ADAMTS2: variants seen among roughly 807,000 people sequenced by gnomAD.
ADAMTS2 encodes the protein ADAM metallopeptidase with thrombospondin type 1 motif 2, also known as A disintegrin and metalloproteinase with thrombospondin motifs 2.
In ADAMTS2, 50 loss-of-function variants were observed where a neutral mutation model predicts 123.0. The observed-to-expected ratio is 0.41, with a 90% CI of 0.32 to 0.51. The LOEUF is 0.51. Ranked by LOEUF, ADAMTS2 falls within the 20% of genes least tolerant of loss-of-function variation. The probability of loss-of-function intolerance (pLI) is 0.35; values close to 1 mark genes in which losing one functional copy is unlikely to be tolerated. For synonymous variants in ADAMTS2, 678 were observed against 695.4 expected (o/e 0.98, Z 0.39); for missense variants, 1,494 against 1,705.2 (o/e 0.88, Z 2.18).
Position 179,232,740 on chromosome 5 carries a change from A to T in ADAMTS2, c.689-25025T>A, listed in dbSNP as rs557386713. 3.1e-4 allele frequency among the ~76,000 whole-genome samples: 47 copies of T among 151,946 alleles called. No homozygotes were observed. In the East Asian group the frequency reaches 7.4e-3, roughly 24 times the overall value. ...GTAAAGTGCCTTGTAGACTGTGATG[A>T]TCATATTTTTGTCTTTGATTCCACT... On this transcript the variant is annotated intron_variant, in intron 3 of 21. Transcript: ENST00000251582.
chr5:179,342,853 G>T (rs1440292596), intron 2 of ADAMTS2, among the ~76,000 whole-genome samples: 1 of 152,198 alleles, frequency 6.6e-6, no homozygotes, highest in East Asian at 1.9e-4. Flanking sequence ...TTCCTCTGAG[G>T]CCCCCTTGTG....
intron 2 of ADAMTS2, among the ~76,000 whole-genome samples, chr5:179,302,350 C>A (rs1475399612): frequency 7.9e-6 from 1 of 127,014 alleles, no homozygotes; most frequent in Non-Finnish European, 1.6e-5. Context: ...GTAGTCCCAG[C>A]TGCTCTGGGC....
chr5:179,125,230 C>A (rs1020829819), intron 18 of ADAMTS2, 50 bp from the exon 19 acceptor site: 3 of 1,582,214 alleles, frequency 1.9e-6, no homozygotes, highest in Non-Finnish European at 2.6e-6. Context: ...ACCTGGAGAA[C>A]CTGCCTGGCT....
chr5:179,283,145 G>A lies in ADAMTS2; in HGVS notation c.535-10081C>T, dbSNP rs564584687. On this transcript the variant is annotated intron_variant, in intron 2 of 21. Transcript: ENST00000251582. Reference sequence around the variant, plus strand: ...CTGGCAAGTGGGGAAATCACAGGTCGAAATAGCGGAATTGCCCTCTGCATC... The same window carrying A: ...CTGGCAAGTGGGGAAATCACAGGTCAAAATAGCGGAATTGCCCTCTGCATC... Among the ~76,000 whole-genome samples the A allele has an allele frequency of 3.3e-5, 5 of 152,116 alleles. No individual in the cohort carries two copies. In the South Asian group the frequency reaches 6.2e-4, roughly 19 times the overall value.
At position 179,158,783 on chromosome 5, in the gene ADAMTS2, C is replaced by T. The variant is rs989843600; in HGVS notation, c.1072G>A (p.Glu358Lys). 6.2e-7 allele frequency: 1 copy of T among 1,614,114 alleles called. No individual in the cohort carries two copies. Among genetic ancestry groups the T allele is most frequent in the Non-Finnish European group, 8.5e-7 (1 of 1,180,048 alleles). The part of the protein sequence containing the change: ...LQQKPDTGHD[E>K]YHDHAIFLTR... ...AGGAAGATGGCGTGATCGTGGTATTCATCGTGGCCCGTGTCTGGCTTCTGC... is the reference window on the plus strand; with the variant it reads ...AGGAAGATGGCGTGATCGTGGTATTTATCGTGGCCCGTGTCTGGCTTCTGC... Residue 358 changes from glutamate (E) to lysine (K), a missense_variant, in exon 6 of 22, where the codon GAA (glutamate) becomes AAA (lysine). Physicochemically the swap from Glu to Lys is moderately conservative, Grantham distance 56 (BLOSUM62 1). Coordinates refer to ENST00000251582, the MANE Select transcript of ADAMTS2 (RefSeq NM_014244.5). The surrounding 1 kb of genome is among the most constrained non-coding windows in gnomAD (Gnocchi z 5.0).
chr5:179,317,510 C>T lies in ADAMTS2; in HGVS notation c.534+26257G>A, dbSNP rs769010352. Reference sequence around the variant, plus strand: ...TGCACTCATGAGACTTCTATAAGCACGGACCCAGAGGCCATCCCAGCGACA... The same window carrying T: ...TGCACTCATGAGACTTCTATAAGCATGGACCCAGAGGCCATCCCAGCGACA... On this transcript the variant is annotated intron_variant, in intron 2 of 21. Coordinates refer to ENST00000251582, the MANE Select transcript of ADAMTS2 (RefSeq NM_014244.5). This position sits in a 1 kb window ranked among gnomAD's most constrained non-coding sequence, Gnocchi z 4.9. Among the ~76,000 whole-genome samples the T allele has an allele frequency of 6.6e-6, 1 of 152,118 alleles. No individual in the cohort carries two copies. Among genetic ancestry groups the T allele is most frequent in the Non-Finnish European group, 1.5e-5 (1 of 68,028 alleles).
At chr5:179,133,693 C>CA (rs1313035793) in intron 13 of ADAMTS2, among the ~76,000 whole-genome samples, 1 of 151,826 alleles carries the variant, frequency 6.6e-6, no homozygotes, top group Non-Finnish European at 1.5e-5. Context: ...TATTACCTGT[C>CA]AAAATCAACA....
rs1764586557 is a variant in ADAMTS2, at chr5:179,202,290, C to T, written c.891+5223G>A. Among the ~76,000 whole-genome samples the T allele has an allele frequency of 6.6e-6, 1 of 152,050 alleles. No individual in the cohort carries two copies. The highest frequency in any genetic ancestry group is 2.4e-5 in the African/African-American group (1 of 41,392). On this transcript the variant is annotated intron_variant, in intron 4 of 21. Coordinates refer to ENST00000251582, the MANE Select transcript of ADAMTS2 (RefSeq NM_014244.5). The surrounding 1 kb of genome is among the most constrained non-coding windows in gnomAD (Gnocchi z 4.0). ...CTCAGGGCCTTGGCGCCGCCTGCCC[C>T]CTCCCCCAAACCTGGAACAGGCGAT...
chr5:179,205,263 C>T (rs979307335), intron 4 of ADAMTS2, among the ~76,000 whole-genome samples: 1 of 152,184 alleles, frequency 6.6e-6, no homozygotes, highest in East Asian at 1.9e-4. Context: ...TGGTCAGCGC[C>T]CTTGGTGGGC....
In ADAMTS2 at chr5:179,181,164, A is replaced by AAC. The variant is rs1352301535; in HGVS notation, c.892-11_892-10dup. The AAC allele has an allele frequency of 6.2e-7, 1 of 1,609,658 alleles. No homozygotes were observed. On this transcript the variant is annotated splice_polypyrimidine_tract_variant and intron_variant, in intron 4 of 21. Coordinates refer to ENST00000251582, the MANE Select transcript of ADAMTS2 (RefSeq NM_014244.5). This position sits in a 1 kb window ranked among gnomAD's most constrained non-coding sequence, Gnocchi z 4.1. ...TGGTAGATTTCATTGACCTGAAAGA[A>AAC]ACAGGGAGGCATCAGCGGGAACCAC... is the stretch of plus-strand genomic sequence containing the variant.
chr5:179,269,341 C>T (rs913500381), intron 3 of ADAMTS2, among the ~76,000 whole-genome samples: 29 of 152,136 alleles, frequency 1.9e-4, no homozygotes, highest in African/African-American at 6.5e-4. Context: ...AAGACATACC[C>T]GAGACTGGGC....
At position 179,260,010 on chromosome 5, in the gene ADAMTS2, G is replaced by C. The variant is rs2113486175; in HGVS notation, c.688+12901C>G. ...TGATTACGACTTCTAAGGCAGGAAT[G>C]ACAGAGTGTTAAAGTGGGCATAGGG... On this transcript the variant is annotated intron_variant, in intron 3 of 21. Transcript: ENST00000251582. The surrounding 1 kb of genome is among the most constrained non-coding windows in gnomAD (Gnocchi z 4.2). Among the ~76,000 whole-genome samples the C allele has an allele frequency of 6.6e-6, 1 of 152,362 alleles. No individual in the cohort carries two copies. Among genetic ancestry groups the C allele is most frequent in the East Asian group, 1.9e-4 (1 of 5,184 alleles).
At chr5:179,172,563 A>G (rs1274211462) in intron 5 of ADAMTS2, among the ~76,000 whole-genome samples, 1 of 152,088 alleles carries the variant, frequency 6.6e-6, no homozygotes, top group African/African-American at 2.4e-5. Flanking sequence ...AAGATTTCCC[A>G]TTTCCTTCAG....
In ADAMTS2 at chr5:179,181,989, C is replaced by T. The variant is rs1461022125; in HGVS notation, c.892-834G>A. On this transcript the variant is annotated intron_variant, in intron 4 of 21. Transcript: ENST00000251582. The surrounding 1 kb of genome is among the most constrained non-coding windows in gnomAD (Gnocchi z 4.1). ...TGAGCCCCCACCCTCCAGCTTCCCA[C>T]CGCACACACCCAGGGCCCTCCCTAG... Among the ~76,000 whole-genome samples the T allele has an allele frequency of 6.6e-6, 1 of 152,166 alleles. No individual in the cohort carries two copies. Among genetic ancestry groups the T allele is most frequent in the Non-Finnish European group, 1.5e-5 (1 of 68,034 alleles).
At chr5:179,324,705 A>G (rs1057193023) in intron 2 of ADAMTS2, among the ~76,000 whole-genome samples, 1 of 152,176 alleles carries the variant, frequency 6.6e-6, no homozygotes, top group Non-Finnish European at 1.5e-5. Flanking sequence ...GCTTTATTTC[A>G]ATCAGATTTA....
intron 5 of ADAMTS2, among the ~76,000 whole-genome samples, chr5:179,174,061 G>A (rs1763885083): frequency 6.6e-6 from 1 of 151,492 alleles, no homozygotes; most frequent in African/African-American, 2.4e-5. Flanking sequence ...TAAGGGCAGT[G>A]ATAAATATTG....
chr5:179,121,107 G>C (rs1384258697), intron 21 of ADAMTS2: 1 of 152,264 alleles, frequency 6.6e-6, no homozygotes, highest in Admixed American at 6.5e-5. Context: ...GAGGTGGGGA[G>C]TGTCCCCGCG....
chr5:179,184,531 A>G (rs1040842597), intron 4 of ADAMTS2, among the ~76,000 whole-genome samples: 1 of 150,544 alleles, frequency 6.6e-6, no homozygotes, highest in African/African-American at 2.5e-5. Context: ...AAAAAAAAAA[A>G]GAATGAAAGA....
intron 4 of ADAMTS2, among the ~76,000 whole-genome samples, chr5:179,198,831 C>G (rs1478494974): frequency 2.0e-5 from 3 of 149,582 alleles, no homozygotes; most frequent in Non-Finnish European, 4.5e-5. Flanking sequence ...AAGACTCTAT[C>G]TCAAGGAAAA....
Sources: allele counts gnomAD v4.1 joint callset (sites outside exome capture counted in the v4.1 genomes callset), GRCh38; gene constraint gnomAD v4.1.1; non-coding constraint Gnocchi (gnomAD v3.1); transcripts MANE v1.5; gene names NCBI Gene and HGNC (gene_info 2026-07-23, HGNC 2026-07-21).